Variants in MTUS2 observed in about 807,000 individuals in gnomAD.
MTUS2 encodes the protein microtubule associated scaffold protein 2, also known as microtubule-associated tumor suppressor candidate 2.
Under a neutral mutation model 114.1 loss-of-function variants are expected in MTUS2, and 40 were observed. The ratio of observed to expected loss-of-function variants is 0.35; its 90% CI spans 0.27 to 0.46. The LOEUF (loss-of-function observed/expected upper bound fraction) is 0.46, where lower values mean the gene tolerates loss of function less well. Ranked by LOEUF, MTUS2 falls within the 20% of genes least tolerant of loss-of-function variation. MTUS2 has a pLI of 1.00. For synonymous variants in MTUS2, 688 were observed against 672.0 expected, an observed-to-expected ratio of 1.02 and a Z score of -0.37; for missense variants, 1,679 against 1,705.4, an observed-to-expected ratio of 0.98 and a Z score of 0.27.
At chr13:28,943,499 CAT>C (rs1300324153) in intron 2 of MTUS2, among the ~76,000 whole-genome samples, 1 of 152,182 alleles carries the variant, frequency 6.6e-6, no homozygotes, top group East Asian at 1.9e-4. Context: ...CTAGGGGTGA[CAT>C]GTTAGACTGC....
chr13:28,993,805 C>T (rs1252428730), intron 2 of MTUS2, among the ~76,000 whole-genome samples: 3 of 151,524 alleles, frequency 2.0e-5, no homozygotes, highest in Non-Finnish European at 4.4e-5. Flanking sequence ...TTCTTTTTTG[C>T]TTGGTTGATT....
At chr13:29,464,726 G>A (rs1318704959) in intron 9 of MTUS2, among the ~76,000 whole-genome samples, 1 of 152,156 alleles carries the variant, frequency 6.6e-6, no homozygotes, top group Non-Finnish European at 1.5e-5. Flanking sequence ...AGGATCCTCC[G>A]ATAATTGGTA....
chr13:29,077,920 A>C (rs1889268470), intron 4 of MTUS2, among the ~76,000 whole-genome samples: 1 of 152,230 alleles, frequency 6.6e-6, no homozygotes, highest in Non-Finnish European at 1.5e-5. Flanking sequence ...GAATCAATAC[A>C]AAAAGGGAAA....
chr13:29,382,431 A>G (rs9508431), intron 8 of MTUS2, among the ~76,000 whole-genome samples: 68,585 of 151,946 alleles, frequency 0.45, 18,872 homozygotes, highest in East Asian at 0.66. Flanking sequence ...GGAAGAGATA[A>G]TTGGGAGGTA....
In MTUS2 at chr13:29,042,225, A is replaced by C. The variant is rs188518734; in HGVS notation, c.2446+8100A>C. On this transcript the variant is annotated intron_variant, in intron 4 of 15. Transcript: ENST00000612955. ...TTTTTCTGTGTCTATTGAGATGATCATGTTATTTTTGTTTTTAATTCTGTT... is the reference window on the plus strand; with the variant it reads ...TTTTTCTGTGTCTATTGAGATGATCCTGTTATTTTTGTTTTTAATTCTGTT... Among the ~76,000 whole-genome samples the C allele has an allele frequency of 1.1e-3, 166 of 152,206 alleles. 4 individuals are homozygous for C. In the East Asian group the frequency reaches 0.02, roughly 18 times the overall value.
intron 5 of MTUS2, among the ~76,000 whole-genome samples, chr13:29,183,527 C>T (rs1176022231): frequency 2.0e-5 from 3 of 152,084 alleles, no homozygotes; most frequent in Non-Finnish European, 4.4e-5. Flanking sequence ...AAATTGAGAG[C>T]TGTGAGCCAA....
chr13:29,173,342 G>T (rs1338719322), intron 5 of MTUS2, among the ~76,000 whole-genome samples: 2 of 152,030 alleles, frequency 1.3e-5, no homozygotes, highest in Non-Finnish European at 2.9e-5. Context: ...CCAATCACTT[G>T]TTTCGATTTT....
chr13:29,450,199 C>G (rs1026432736), intron 9 of MTUS2, among the ~76,000 whole-genome samples: 1 of 152,106 alleles, frequency 6.6e-6, no homozygotes, highest in Non-Finnish European at 1.5e-5. Context: ...TTGGCCAGAA[C>G]TAAGTCACAA....
At chr13:29,160,566 C>A (rs907882760) in intron 5 of MTUS2, among the ~76,000 whole-genome samples, 1 of 152,142 alleles carries the variant, frequency 6.6e-6, no homozygotes, top group East Asian at 1.9e-4. Flanking sequence ...GTCAGGAGAT[C>A]GAGACCATCC....
At chr13:28,920,869 C>T (rs915471754) in intron 2 of MTUS2, among the ~76,000 whole-genome samples, 5 of 152,200 alleles carry the variant, frequency 3.3e-5, no homozygotes, top group African/African-American at 9.6e-5. Context: ...AGGCCACCAC[C>T]GGTGTTCTCT....
chr13:29,007,258 G>C (rs140376755), intron 2 of MTUS2, among the ~76,000 whole-genome samples: 2 of 151,736 alleles, frequency 1.3e-5, no homozygotes, highest in African/African-American at 4.8e-5. Flanking sequence ...TTTTATTATA[G>C]TGATAAAAGG....
chr13:29,316,401 G>T (rs991754751), intron 6 of MTUS2, among the ~76,000 whole-genome samples: 1 of 152,146 alleles, frequency 6.6e-6, no homozygotes, highest in Admixed American at 6.5e-5. Context: ...GGCCAGGGAT[G>T]GAAAGAATGT....
At chr13:29,024,408 G>A (rs1886417525) in intron 2 of MTUS2, 49 bp from the exon 3 acceptor site, 7 of 344,662 alleles carry the variant, frequency 2.0e-5, no homozygotes, top group Non-Finnish European at 3.6e-5. Flanking sequence ...TTTCTCCTGA[G>A]AAGTTCTATT....
chr13:29,369,784 T>C (rs532694744), intron 8 of MTUS2, among the ~76,000 whole-genome samples: 2 of 152,204 alleles, frequency 1.3e-5, no homozygotes, highest in Admixed American at 6.5e-5. Context: ...AGAACAAAGA[T>C]TTATCATAAG....
intron 4 of MTUS2, among the ~76,000 whole-genome samples, chr13:29,076,701 C>T (rs189350499): frequency 1.3e-5 from 2 of 152,286 alleles, no homozygotes; most frequent in African/African-American, 4.8e-5. Context: ...AGGGAAGAAT[C>T]TGCAGTATCC....
intron 2 of MTUS2, among the ~76,000 whole-genome samples, chr13:28,960,630 A>C (rs1189416693): frequency 6.6e-6 from 1 of 152,230 alleles, no homozygotes; most frequent in South Asian, 2.1e-4. Context: ...ATTCCACTCA[A>C]ACATGAAATG....
Position 29,400,955 on chromosome 13 carries a change from G to A in MTUS2, c.3118-39028G>A, listed in dbSNP as rs139464385. Among the ~76,000 whole-genome samples the A allele has an allele frequency of 1.3e-3, 196 of 152,240 alleles. 1 individual carries two copies. Among genetic ancestry groups the A allele is most frequent in the African/African-American group, 4.4e-3 (182 of 41,538 alleles). On this transcript the variant is annotated intron_variant, in intron 8 of 15. Transcript: ENST00000612955. The stretch of plus-strand genomic sequence containing the variant: ...TAAATTACGTATTAGAGAGCCTAGC[G>A]TTGTGTCTATTGTATGTGTTGCAAA...
Position 28,976,818 on chromosome 13 carries a change from A to G in MTUS2, c.-242-47639A>G, listed in dbSNP as rs908048960. The stretch of plus-strand genomic sequence containing the variant: ...TAAATGGCATGGATGAATTTGAAAC[A>G]TTGGAAGTGAATGGGAGGAATAAGA... On this transcript the variant is annotated intron_variant, in intron 2 of 15. Coordinates refer to ENST00000612955, the MANE Select transcript of MTUS2 (RefSeq NM_001033602.4). 3.3e-5 allele frequency among the ~76,000 whole-genome samples: 5 copies of G among 152,206 alleles called. No individual in the cohort carries two copies. The South Asian group carries it at 6.2e-4, about 19-fold the overall frequency.
At chr13:29,311,844 G>A (rs9508345) in intron 6 of MTUS2, among the ~76,000 whole-genome samples, 93,589 of 152,058 alleles carry the variant, frequency 0.62, 29,720 homozygotes, top group African/African-American at 0.77. Context: ...TTAGCCTCCA[G>A]TTGGAGTTTC....
Sources: allele counts gnomAD v4.1 joint callset (sites outside exome capture counted in the v4.1 genomes callset), GRCh38; gene constraint gnomAD v4.1.1; transcripts MANE v1.5; gene names NCBI Gene and HGNC (gene_info 2026-07-23, HGNC 2026-07-21).